Variants in ZSCAN5C observed in about 807,000 individuals in gnomAD.
ZSCAN5C encodes zinc finger and SCAN domain containing 5C.
A neutral mutation model predicts 17.3 loss-of-function variants in ZSCAN5C; 11 were observed. The ratio of observed to expected loss-of-function variants is 0.64; its 90% CI spans 0.40 to 1.06. The LOEUF is 1.06. Ranked by LOEUF, ZSCAN5C falls within the 50% of genes least tolerant of loss-of-function variation. The pLI is 0.00. For synonymous variants in ZSCAN5C, 229 were observed against 208.4 expected (o/e 1.10, Z -0.85); for missense variants, 698 against 538.9 (o/e 1.30, Z -2.92).
In ZSCAN5C at chr19:56,206,427, T is replaced by G. The variant is rs920514807; in HGVS notation, c.384+130T>G. On this transcript the variant is annotated intron_variant, in intron 2 of 4. Transcript: ENST00000534327. Reference sequence around the variant, plus strand: ...TTCCAAGTAGAGGAGAGTTTGCCCATCAGGGACACATGGCAGTGTCTGGGG... The same window carrying G: ...TTCCAAGTAGAGGAGAGTTTGCCCAGCAGGGACACATGGCAGTGTCTGGGG... The G allele has an allele frequency of 1.4e-5, 19 of 1,372,050 alleles. 2 individuals carry two copies. In the South Asian group the frequency reaches 2.8e-4, roughly 20 times the overall value. 85.0% of individuals were successfully genotyped at this position (1,372,050 alleles called of 1,614,324 possible). A position where few individuals can be genotyped will look rare whatever the true frequency, so the allele number is the denominator to read the frequency against.
At chr19:56,207,621 T>C (rs2032938611) in intron 3 of ZSCAN5C, among the ~76,000 whole-genome samples, 1 of 151,888 alleles carries the variant, frequency 6.6e-6, no homozygotes, top group Non-Finnish European at 1.5e-5. Flanking sequence ...AGATTGTCAA[T>C]TTCTTAATTT....
At chr19:56,206,271 C>A (rs756445990) in exon 2 of ZSCAN5C, 1 of 1,529,352 alleles carries the variant, frequency 6.5e-7, no homozygotes. Flanking sequence ...GGACCTGCTA[C>A]GAAATAACAG....
chr19:56,207,884 A>C, intron 3 of ZSCAN5C, 150 bp from the exon 4 acceptor site: 1 of 600,152 alleles, frequency 1.7e-6, no homozygotes, highest in East Asian at 2.8e-5. Flanking sequence ...ATGCTGGCAC[A>C]GCGGGGAGAA....
In ZSCAN5C at chr19:56,207,173, TC is replaced by T. The variant is rs766438238; in HGVS notation, c.501del (p.Ser168LeufsTer2). The T allele has an allele frequency of 1.1e-4, 89 of 778,818 alleles. No individual in the cohort carries two copies. In the Admixed American group the frequency reaches 1.5e-3, roughly 13 times the overall value. The allele number at this position is 778,818 out of a possible 1,614,324, so 48.2% of individuals were successfully genotyped here. The stretch of plus-strand genomic sequence containing the variant: ...GAGACACGTGTCCAGCCAGCGGACC[TC>T]CTCTGTGAACCAGATGTGTCCGGAG... On this transcript the variant is annotated frameshift_variant, in exon 3 of 5. Transcript: ENST00000534327. LOFTEE classifies it high-confidence loss of function.
At chr19:56,204,779 T>C (rs2032904137) in intron 1 of ZSCAN5C, among the ~76,000 whole-genome samples, 1 of 151,860 alleles carries the variant, frequency 6.6e-6, no homozygotes, top group African/African-American at 2.4e-5. Context: ...CTGCCAGTTT[T>C]TTCTCCCCTC....
At chr19:56,209,165 C>T (rs1450679223) in exon 5 of ZSCAN5C, 3 of 1,059,236 alleles carry the variant, frequency 2.8e-6, no homozygotes, top group South Asian at 2.7e-5. Flanking sequence ...CTTAAGACGC[C>T]ACCAGAAAAC....
At chr19:56,208,930 T>C (rs745914281) in exon 5 of ZSCAN5C, 1 of 1,612,930 alleles carries the variant, frequency 6.2e-7, no homozygotes, top group Non-Finnish European at 8.5e-7. Flanking sequence ...GAACCCACAC[T>C]GGCGAGAGGC....
exon 5 of ZSCAN5C, chr19:56,208,595 G>A (rs554088494): frequency 8.8e-6 from 14 of 1,597,626 alleles, no homozygotes; most frequent in African/African-American, 6.7e-5. Context: ...GAATCTGAGA[G>A]GTCTCAAAAG....
At chr19:56,209,268 A>T (rs545885792), downstream of ZSCAN5C, 49 of 619,672 alleles carry the variant, frequency 7.9e-5, 1 homozygote, top group African/African-American at 8.7e-4. Flanking sequence ...ATGTTGTCAG[A>T]TGACGTTTGA....
At chr19:56,207,385 A>G (rs530959971) in intron 3 of ZSCAN5C, 123 bp downstream of exon 3, 254 of 592,168 alleles carry the variant, frequency 4.3e-4, no homozygotes, top group Non-Finnish European at 2.2e-4. Context: ...CCCCATGGAC[A>G]TGGTACATCC....
At chr19:56,205,605 A>T (rs1459462224) in intron 1 of ZSCAN5C, among the ~76,000 whole-genome samples, 182 bp from the exon 2 acceptor site, 2 of 151,810 alleles carry the variant, frequency 1.3e-5, no homozygotes, top group Non-Finnish European at 2.9e-5. Flanking sequence ...GAGTATTCAG[A>T]TTTTACTCCA....
chr19:56,209,372 T>C (rs1225701140), downstream of ZSCAN5C: 2 of 515,118 alleles, frequency 3.9e-6, no homozygotes, highest in Admixed American at 3.6e-5. Context: ...GGAATTTTGG[T>C]TTTTGTTTCA....
At chr19:56,209,349 T>C (rs2032964353), downstream of ZSCAN5C, 2 of 493,740 alleles carry the variant, frequency 4.1e-6, no homozygotes, top group Non-Finnish European at 7.1e-6. Context: ...TTTAAATCTT[T>C]TTCCTCCCCG....
rs535741434 is a variant in ZSCAN5C, at chr19:56,203,838, G to A, written c.-128+1516G>A. On this transcript the variant is annotated intron_variant, in intron 1 of 4. Transcript: ENST00000534327. Reference sequence around the variant, plus strand: ...CTAATTTTGTATTTTTAGTACAGACGGGGTTTCTCCATGTTGGTCAGGCTG... The same window carrying A: ...CTAATTTTGTATTTTTAGTACAGACAGGGTTTCTCCATGTTGGTCAGGCTG... 4.6e-4 allele frequency among the ~76,000 whole-genome samples: 70 copies of A among 151,282 alleles called. 3 individuals are homozygous for A. The South Asian group carries it at 8.6e-3, about 19-fold the overall frequency.
intron 3 of ZSCAN5C, 23 bp from the exon 4 acceptor site, chr19:56,208,011 T>C (rs1296209243): frequency 1.4e-6 from 1 of 708,360 alleles, no homozygotes; most frequent in East Asian, 2.6e-5. Context: ...TGGCAGTCAT[T>C]GCTGTTGGTT....
At chr19:56,205,974 G>A (rs912853305) in exon 2 of ZSCAN5C, 2 of 1,545,142 alleles carry the variant, frequency 1.3e-6, no homozygotes, top group South Asian at 1.1e-5. Context: ...CCCTGGGTCA[G>A]AGCCACCACA....
chr19:56,207,151 A>C, exon 3 of ZSCAN5C: 1 of 778,478 alleles, frequency 1.3e-6, no homozygotes, highest in Non-Finnish European at 2.4e-6. Flanking sequence ...ATGATCCGAG[A>C]CACGTGTCCA....
intron 1 of ZSCAN5C, among the ~76,000 whole-genome samples, chr19:56,203,629 G>C (rs1210079052): frequency 6.8e-6 from 1 of 147,368 alleles, no homozygotes; most frequent in African/African-American, 2.5e-5. Flanking sequence ...GCTACTATGA[G>C]TCTACTGGGA....
chr19:56,206,757 CAG>C (rs1568590688), intron 2 of ZSCAN5C, among the ~76,000 whole-genome samples: 3 of 147,692 alleles, frequency 2.0e-5, no homozygotes, highest in East Asian at 2.0e-4. Flanking sequence ...TGGCTGGTAT[CAG>C]AGATTCAGGG....
Sources: gnomAD v4.1 joint callset for allele counts (sites outside exome capture counted in the v4.1 genomes callset) on GRCh38, gnomAD v4.1.1 for gene constraint, MANE v1.5 for transcripts, NCBI Gene and HGNC (gene_info 2026-07-23, HGNC 2026-07-21) for gene names.